Variants in DUSP13B observed in about 807,000 individuals in gnomAD.
DUSP13B encodes the protein dual specificity phosphatase 13B.
chr10:75,099,467 G>A, the DUSP13B span: 2 of 1,232,364 alleles, frequency 1.6e-6, no homozygotes, highest in East Asian at 3.2e-5. Flanking sequence ...GGGAGTGGGT[G>A]CAGGGGCAGG....
At chr10:75,108,737 C>T in the DUSP13B span, among the ~76,000 whole-genome samples, 2 of 152,176 alleles carry the variant, frequency 1.3e-5, no homozygotes, top group African/African-American at 4.8e-5. Context: ...GGGCCTCTGC[C>T]TCTACACTTG....
At chr10:75,109,062 C>G in the DUSP13B span, 3 of 1,612,236 alleles carry the variant, frequency 1.9e-6, no homozygotes, top group Admixed American at 3.3e-5. Context: ...TGCAAGAAGA[C>G]TTCCCTGCCC....
At chr10:75,106,096 CTTTTCTTTTT>C in the DUSP13B span, among the ~76,000 whole-genome samples, 1 of 109,040 alleles carries the variant, frequency 9.2e-6, no homozygotes, top group East Asian at 5.6e-4. Context: ...TCTTTTCTTT[CTTTTCTTTTT>C]TTTTTTTTTT....
the DUSP13B span, chr10:75,108,927 C>T: frequency 2.7e-5 from 41 of 1,502,166 alleles, no homozygotes; most frequent in Non-Finnish European, 3.7e-5. Context: ...TCCTTGTTTC[C>T]ACCCTCCTGT....
the DUSP13B span, chr10:75,097,592 CGGT>C: frequency 4.9e-5 from 44 of 890,538 alleles, no homozygotes; most frequent in East Asian, 1.2e-3. Context: ...GGGAAAGAGA[CGGT>C]GGGAGGCAAG....
chr10:75,108,394 G>T, the DUSP13B span: 1 of 1,128,176 alleles, frequency 8.9e-7, no homozygotes, highest in Non-Finnish European at 1.2e-6. Flanking sequence ...TCTGGTGGCT[G>T]AGCCGGCGGT....
At chr10:75,105,229 G>A in the DUSP13B span, among the ~76,000 whole-genome samples, 2 of 152,172 alleles carry the variant, frequency 1.3e-5, no homozygotes, top group African/African-American at 4.8e-5. Flanking sequence ...GGAGGTTCAG[G>A]AGGGTCCAGG....
chr10:75,108,153 T>C, the DUSP13B span: 17 of 1,612,892 alleles, frequency 1.1e-5, no homozygotes, highest in South Asian at 3.3e-5. Context: ...GTGGGCGGCG[T>C]TCAGCACGTG....
chr10:75,102,380 T>G, the DUSP13B span, among the ~76,000 whole-genome samples: 1 of 151,820 alleles, frequency 6.6e-6, no homozygotes, highest in Non-Finnish European at 1.5e-5. Context: ...GAGGCAGAGC[T>G]TGCAGTGAGC....
chr10:75,109,069 GC>G, the DUSP13B span: 1 of 1,612,272 alleles, frequency 6.2e-7, no homozygotes, highest in Non-Finnish European at 8.5e-7. Context: ...AGACTTCCCT[GC>G]CCGCAGGAGC....
At chr10:75,106,648 T>G in the DUSP13B span, among the ~76,000 whole-genome samples, 1 of 152,220 alleles carries the variant, frequency 6.6e-6, no homozygotes, top group Non-Finnish European at 1.5e-5. Context: ...GGCCCACTCT[T>G]ATGAGTAGCT....
the DUSP13B span, among the ~76,000 whole-genome samples, chr10:75,106,453 G>A: frequency 6.6e-6 from 1 of 152,096 alleles, no homozygotes; most frequent in Non-Finnish European, 1.5e-5. Context: ...TCATCCACCA[G>A]GTTTTGGCTG....
the DUSP13B span, chr10:75,104,102 A>G: frequency 7.5e-7 from 1 of 1,339,920 alleles, no homozygotes; most frequent in Non-Finnish European, 9.9e-7. Flanking sequence ...CCAGCTCTGG[A>G]AGAGAGATGA....
chr10:75,095,798 G>T, the DUSP13B span: 49 of 1,613,890 alleles, frequency 3.0e-5, no homozygotes, highest in African/African-American at 5.7e-4. Context: ...CTGCGTACCT[G>T]GAGGAGAGGG....
the DUSP13B span, chr10:75,097,619 C>G: frequency 7.7e-7 from 1 of 1,303,090 alleles, no homozygotes; most frequent in Admixed American, 2.6e-5. Context: ...GCCACCTCTG[C>G]CCTAGAGGGC....
chr10:75,107,860 A>C, the DUSP13B span: 1 of 1,127,212 alleles, frequency 8.9e-7, no homozygotes, highest in South Asian at 1.6e-5. Flanking sequence ...TACAAGCATG[A>C]GCCACCACAC....
the DUSP13B span, chr10:75,094,590 G>A: frequency 6.9e-7 from 1 of 1,457,090 alleles, no homozygotes. Context: ...ACATCTCAGG[G>A]TCACTAGAAA....
chr10:75,105,710 A>G, the DUSP13B span: 1 of 1,552,824 alleles, frequency 6.4e-7, no homozygotes, highest in Admixed American at 1.9e-5. Context: ...TCCAGCCTGC[A>G]GAGCTGGTGC....
chr10:75,107,551 C>T, the DUSP13B span, among the ~76,000 whole-genome samples: 56,725 of 151,744 alleles, frequency 0.37, 11,711 homozygotes, highest in East Asian at 0.67. Flanking sequence ...TCGGGTTCGA[C>T]AAAATGCTGG....
Sources: gnomAD v4.1 joint callset for allele counts (sites outside exome capture counted in the v4.1 genomes callset) on GRCh38, gnomAD v4.1.1 for gene constraint, MANE v1.5 for transcripts, NCBI Gene and HGNC (gene_info 2026-07-23, HGNC 2026-07-21) for gene names.